XKR9: variants seen among roughly 807,000 people sequenced by gnomAD.
The protein encoded by XKR9 is XK-related protein 9.
In XKR9, 32 loss-of-function variants were observed where a neutral mutation model predicts 32.0. The observed-to-expected ratio is 1.00, with a 90% CI of 0.76 to 1.34. XKR9 has a LOEUF of 1.34. XKR9 is among the 40% of genes most tolerant of loss of function. The pLI is 0.00. For missense variants in XKR9, 546 were observed against 429.7 expected, an observed-to-expected ratio of 1.27 and a Z score of -2.39; for synonymous variants, 168 against 143.4, an observed-to-expected ratio of 1.17 and a Z score of -1.22.
chr8:70,878,580 G>A, the XKR9 span, among the ~76,000 whole-genome samples: 1 of 152,162 alleles, frequency 6.6e-6, no homozygotes, highest in South Asian at 2.1e-4. Flanking sequence ...AATGGTAAAG[G>A]GACCAATTCA....
Position 70,681,019 on chromosome 8 carries a change from G to A in XKR9, c.-40G>A, listed in dbSNP as rs1226068486. On this transcript the variant is annotated 5_prime_UTR_variant, in exon 3 of 5. Transcript: ENST00000408926. ...TTGGCTTTTTTTCCCTTTTTGTGAG[G>A]GAGAAAAAAGTAGATAACGAAAAGC... is the stretch of plus-strand genomic sequence containing the variant. The A allele has an allele frequency of 1.3e-6, 2 of 1,558,626 alleles. No homozygotes were observed. Among genetic ancestry groups the A allele is most frequent in the Admixed American group, 1.9e-5 (1 of 51,912 alleles).
the XKR9 span, among the ~76,000 whole-genome samples, chr8:70,854,915 G>C: frequency 6.6e-6 from 1 of 152,066 alleles, no homozygotes; most frequent in African/African-American, 2.4e-5. Flanking sequence ...TGCTGTTTTG[G>C]TTACCGTAGC....
At chr8:70,694,877 A>G (rs1363440158) in intron 3 of XKR9, among the ~76,000 whole-genome samples, 24 of 152,162 alleles carry the variant, frequency 1.6e-4, no homozygotes, top group Admixed American at 1.6e-3. Flanking sequence ...AAGCCCTAGT[A>G]TCTAAGCCTC....
chr8:70,714,062 CAT>C (rs1489309806), intron 4 of XKR9, among the ~76,000 whole-genome samples: 25 of 152,024 alleles, frequency 1.6e-4, no homozygotes, highest in African/African-American at 6.0e-4. Flanking sequence ...TCTGTGCACA[CAT>C]AATGGTGGGT....
chr8:70,905,102 G>T, the XKR9 span, among the ~76,000 whole-genome samples: 1 of 152,056 alleles, frequency 6.6e-6, no homozygotes, highest in African/African-American at 2.4e-5. Context: ...ATGTGTCTTG[G>T]AGTTGCTCTT....
chr8:70,991,817 T>C, the XKR9 span, among the ~76,000 whole-genome samples: 1 of 152,360 alleles, frequency 6.6e-6, no homozygotes, highest in African/African-American at 2.4e-5. Context: ...GGTTTTGATA[T>C]GAACTGTGAA....
At chr8:70,719,461 C>A (rs968919209) in intron 4 of XKR9, among the ~76,000 whole-genome samples, 3 of 152,052 alleles carry the variant, frequency 2.0e-5, no homozygotes, top group Non-Finnish European at 4.4e-5. Context: ...GTCTTTAATC[C>A]ATCTTGAGTT....
the XKR9 span, among the ~76,000 whole-genome samples, chr8:70,860,429 T>C: frequency 6.6e-6 from 1 of 152,142 alleles, no homozygotes; most frequent in Non-Finnish European, 1.5e-5. Flanking sequence ...ACTTCCAGCC[T>C]TCTCCAGAAC....
At chr8:70,838,232 A>G in the XKR9 span, among the ~76,000 whole-genome samples, 1 of 152,122 alleles carries the variant, frequency 6.6e-6, no homozygotes, top group Non-Finnish European at 1.5e-5. Context: ...GAACGATTTT[A>G]TAATCGTTGT....
chr8:70,953,760 T>C, the XKR9 span, among the ~76,000 whole-genome samples: 2 of 152,348 alleles, frequency 1.3e-5, no homozygotes, highest in South Asian at 4.1e-4. Context: ...TCTGTGCTTC[T>C]CACTGACCTG....
the XKR9 span, among the ~76,000 whole-genome samples, chr8:70,877,395 A>G: frequency 6.6e-6 from 1 of 152,096 alleles, no homozygotes; most frequent in Non-Finnish European, 1.5e-5. Flanking sequence ...TTCATAACAA[A>G]CCTAAGAGAT....
At chr8:70,691,695 G>T (rs1320157281) in intron 3 of XKR9, among the ~76,000 whole-genome samples, 1 of 151,880 alleles carries the variant, frequency 6.6e-6, no homozygotes, top group Non-Finnish European at 1.5e-5. Context: ...GCTTGTTTTT[G>T]TCAGCTTTGT....
intron 4 of XKR9, among the ~76,000 whole-genome samples, chr8:70,725,930 A>G (rs1806452521): frequency 1.3e-5 from 2 of 151,778 alleles, no homozygotes; most frequent in Non-Finnish European, 2.9e-5. Flanking sequence ...AACAACAAAA[A>G]CAACAACAAA....
At chr8:70,691,790 G>T (rs1805079689) in intron 3 of XKR9, among the ~76,000 whole-genome samples, 1 of 152,024 alleles carries the variant, frequency 6.6e-6, no homozygotes, top group Admixed American at 6.6e-5. Flanking sequence ...TTTTGTACTG[G>T]TACCATATTG....
At chr8:70,863,350 TA>T in the XKR9 span, among the ~76,000 whole-genome samples, 8 of 152,188 alleles carry the variant, frequency 5.3e-5, no homozygotes, top group Admixed American at 3.3e-4. Flanking sequence ...AAAATCAGTC[TA>T]AAGGGTACTA....
chr8:70,976,749 G>T, the XKR9 span, among the ~76,000 whole-genome samples: 1 of 152,158 alleles, frequency 6.6e-6, no homozygotes. Flanking sequence ...AGTTAGGGAG[G>T]ATTCCCTCTT....
the XKR9 span, among the ~76,000 whole-genome samples, chr8:70,985,154 G>T: frequency 6.6e-6 from 1 of 152,294 alleles, no homozygotes; most frequent in Non-Finnish European, 1.5e-5. Context: ...TTGATATGTT[G>T]TGGGAGGAAA....
intron 4 of XKR9, among the ~76,000 whole-genome samples, chr8:70,731,587 C>T (rs1204830515): frequency 1.3e-5 from 2 of 152,198 alleles, no homozygotes; most frequent in East Asian, 1.9e-4. Flanking sequence ...CACCAGTCAC[C>T]TCATTCAGCA....
chr8:70,896,877 A>G, the XKR9 span, among the ~76,000 whole-genome samples: 1 of 152,166 alleles, frequency 6.6e-6, no homozygotes, highest in Non-Finnish European at 1.5e-5. Flanking sequence ...TTATGTTACA[A>G]ACAATCCAAT....
Sources: gnomAD v4.1 joint callset for allele counts (sites outside exome capture counted in the v4.1 genomes callset) on GRCh38, gnomAD v4.1.1 for gene constraint, MANE v1.5 for transcripts, NCBI Gene and HGNC (gene_info 2026-07-23, HGNC 2026-07-21) for gene names.